NRXN3: variants seen among roughly 807,000 people sequenced by gnomAD.
The protein encoded by NRXN3 is neurexin 3.
In NRXN3, 32 loss-of-function variants were observed where a neutral mutation model predicts 137.6. The observed-to-expected ratio is 0.23, with a 90% CI of 0.18 to 0.31. The LOEUF (loss-of-function observed/expected upper bound fraction) is 0.31. NRXN3 is among the 10% of genes least tolerant of loss of function. NRXN3 has a pLI of 1.00. For missense variants in NRXN3, 1,574 were observed against 2,062.5 expected, an observed-to-expected ratio of 0.76 and a Z score of 4.59; for synonymous variants, 798 against 784.5, an observed-to-expected ratio of 1.02 and a Z score of -0.29.
intron 1 of NRXN3, among the ~76,000 whole-genome samples, chr14:78,225,443 G>T (rs2064420005): frequency 6.6e-6 from 1 of 151,996 alleles, no homozygotes; most frequent in Non-Finnish European, 1.5e-5. Context: ...TTTTTGATGG[G>T]GTTGTTTGTT....
chr14:78,676,469 T>A (rs1444144510), intron 6 of NRXN3, among the ~76,000 whole-genome samples: 1 of 152,128 alleles, frequency 6.6e-6, no homozygotes, highest in South Asian at 2.1e-4. Context: ...AATGCCCTAA[T>A]GCTTGAGTTT....
intron 15 of NRXN3, among the ~76,000 whole-genome samples, chr14:79,178,860 C>G (rs2062627435): frequency 6.6e-6 from 1 of 152,200 alleles, no homozygotes; most frequent in Admixed American, 6.5e-5. Context: ...ATTGAGTCAG[C>G]AGCTTTCTAC....
At chr14:79,489,652 G>T (rs1827170783) in intron 16 of NRXN3, among the ~76,000 whole-genome samples, 1 of 152,074 alleles carries the variant, frequency 6.6e-6, no homozygotes, top group South Asian at 2.1e-4. Flanking sequence ...TCACAAATGT[G>T]AACATCTATG....
Position 78,237,074 on chromosome 14 carries a change from G to C in NRXN3, c.-703-5317G>C, listed in dbSNP as rs113278000. 7.8e-3 allele frequency among the ~76,000 whole-genome samples: 1,187 copies of C among 152,296 alleles called. 14 individuals carry two copies. The highest frequency in any genetic ancestry group is 0.027 in the African/African-American group (1,123 of 41,556). On this transcript the variant is annotated intron_variant, in intron 1 of 20. Transcript: ENST00000335750. ...TGTCCACCTGCAAAACACACAAGAAGAGAAACAAGCCCATATCCTATGCCT... is the reference window on the plus strand; with the variant it reads ...TGTCCACCTGCAAAACACACAAGAACAGAAACAAGCCCATATCCTATGCCT...
intron 4 of NRXN3, among the ~76,000 whole-genome samples, chr14:78,616,428 C>T (rs549563725): frequency 6.6e-6 from 1 of 152,170 alleles, no homozygotes; most frequent in East Asian, 1.9e-4. Flanking sequence ...CAAGAGCTTC[C>T]TTAATTCTTC....
chr14:79,168,239 G>A (rs1281912545), intron 15 of NRXN3, among the ~76,000 whole-genome samples: 1 of 152,006 alleles, frequency 6.6e-6, no homozygotes, highest in East Asian at 1.9e-4. Context: ...GATGGAATTA[G>A]CACAAAGGCT....
chr14:79,469,970 T>TA (rs1305837610), intron 16 of NRXN3, among the ~76,000 whole-genome samples: 6 of 152,224 alleles, frequency 3.9e-5, no homozygotes, highest in Admixed American at 3.9e-4. Flanking sequence ...TTTAAGTAGA[T>TA]ACATCAGGGA....
intron 8 of NRXN3, among the ~76,000 whole-genome samples, chr14:78,789,264 T>C (rs1349028079): frequency 6.6e-6 from 1 of 152,190 alleles, no homozygotes; most frequent in East Asian, 1.9e-4. Flanking sequence ...CTGTGCTTTT[T>C]AGAGTCATCT....
chr14:78,983,494 A>C (rs1258105342), intron 14 of NRXN3, among the ~76,000 whole-genome samples: 2 of 152,110 alleles, frequency 1.3e-5, no homozygotes, highest in African/African-American at 4.8e-5. Flanking sequence ...TTTTCTTACT[A>C]TTGAGTTGTT....
intron 4 of NRXN3, among the ~76,000 whole-genome samples, chr14:78,397,521 A>G (rs942786103): frequency 2.0e-5 from 3 of 150,998 alleles, no homozygotes; most frequent in Middle Eastern, 3.5e-3. Flanking sequence ...TTAAAATGTC[A>G]TTTTTGTTCT....
At chr14:78,198,047 G>A (rs1020239165) in intron 1 of NRXN3, among the ~76,000 whole-genome samples, 7 of 152,166 alleles carry the variant, frequency 4.6e-5, no homozygotes, top group South Asian at 2.1e-4. Context: ...GGAAAGATAC[G>A]ACCAGGCCCT....
chr14:78,717,410 A>G (rs1026530058), intron 8 of NRXN3, among the ~76,000 whole-genome samples: 3 of 152,224 alleles, frequency 2.0e-5, no homozygotes, highest in Non-Finnish European at 2.9e-5. Flanking sequence ...CCAAATGAGA[A>G]GAAGCTTAGC....
chr14:78,802,464 C>T (rs1230026584), intron 8 of NRXN3, among the ~76,000 whole-genome samples: 1 of 152,164 alleles, frequency 6.6e-6, no homozygotes, highest in Non-Finnish European at 1.5e-5. Flanking sequence ...AGCACACCAA[C>T]ATGGCACATG....
At chr14:79,545,300 C>G (rs963811380) in intron 16 of NRXN3, among the ~76,000 whole-genome samples, 2 of 152,176 alleles carry the variant, frequency 1.3e-5, no homozygotes, top group African/African-American at 4.8e-5. Context: ...CTCTCGGGAA[C>G]AATCTACTTC....
chr14:79,551,091 C>G (rs2097368664), intron 16 of NRXN3, among the ~76,000 whole-genome samples: 1 of 152,180 alleles, frequency 6.6e-6, no homozygotes, highest in African/African-American at 2.4e-5. Flanking sequence ...TCTTGCTTTC[C>G]ATAGCTATGA....
chr14:79,478,799 T>C (rs1567234096), intron 16 of NRXN3, among the ~76,000 whole-genome samples: 1 of 152,108 alleles, frequency 6.6e-6, no homozygotes, highest in Admixed American at 6.6e-5. Flanking sequence ...AAAGAGATGC[T>C]GAGATGGTTG....
chr14:79,080,088 A>G (rs2046675841), intron 15 of NRXN3, among the ~76,000 whole-genome samples: 1 of 152,218 alleles, frequency 6.6e-6, no homozygotes, highest in Non-Finnish European at 1.5e-5. Flanking sequence ...CTGAAGGAAC[A>G]GTGGAACCTC....
chr14:78,508,288 A>G (rs2096035416), intron 4 of NRXN3, among the ~76,000 whole-genome samples: 1 of 152,216 alleles, frequency 6.6e-6, no homozygotes. Flanking sequence ...CATACAAGTT[A>G]GATTGCTTGA....
At chr14:78,295,193 T>G (rs976639429) in intron 3 of NRXN3, among the ~76,000 whole-genome samples, 1 of 152,128 alleles carries the variant, frequency 6.6e-6, no homozygotes, top group African/African-American at 2.4e-5. Flanking sequence ...AAAAGCAAAA[T>G]AAAACAAACC....
Sources: allele counts gnomAD v4.1 joint callset (sites outside exome capture counted in the v4.1 genomes callset), GRCh38; gene constraint gnomAD v4.1.1; transcripts MANE v1.5; gene names NCBI Gene and HGNC (gene_info 2026-07-23, HGNC 2026-07-21).